PITX3: variants seen among roughly 807,000 people sequenced by gnomAD.
PITX3 encodes the protein paired like homeodomain 3, also known as pituitary homeobox 3.
PITX3 carries 4 observed loss-of-function variants against 14.2 expected under a neutral mutation model. The observed-to-expected ratio is 0.28, with a 90% CI of 0.14 to 0.65. The LOEUF is 0.65. Ranked by LOEUF, PITX3 falls within the 30% of genes least tolerant of loss-of-function variation. The pLI, the probability that PITX3 is intolerant of heterozygous loss-of-function variation, is 0.82. For synonymous variants in PITX3, 194 were observed against 204.5 expected, an observed-to-expected ratio of 0.95 and a Z score of 0.44; for missense variants, 358 against 426.8, an observed-to-expected ratio of 0.84 and a Z score of 1.42.
intron 1 of PITX3, among the ~76,000 whole-genome samples, chr10:102,240,435 T>C (rs1211665021): frequency 1.3e-5 from 2 of 152,242 alleles, no homozygotes; most frequent in African/African-American, 4.8e-5. Context: ...TGCTCACAGC[T>C]TCGCAGCCCG....
rs1173342599 is a variant in PITX3 at position 102,241,072 on chromosome 10, C to G, written c.-13+261G>C. ...TTTCCAGACTCCCTACTCCCTGCCT[C>G]GCGAAGCCCCTATCCTGGTTTCAAG... is the stretch of plus-strand genomic sequence containing the variant. On this transcript the variant is annotated intron_variant, in intron 1 of 3. Coordinates refer to ENST00000370002, the MANE Select transcript of PITX3 (RefSeq NM_005029.4). This position sits in a 1 kb window ranked among gnomAD's most constrained non-coding sequence, Gnocchi z 6.7. Among the ~76,000 whole-genome samples the G allele has an allele frequency of 6.6e-6, 1 of 152,150 alleles. No individual in the cohort carries two copies. Among genetic ancestry groups the G allele is most frequent in the African/African-American group, 2.4e-5 (1 of 41,448 alleles).
Position 102,230,531 on chromosome 10 carries a change from C to T in PITX3, c.892G>A (p.Val298Met), listed in dbSNP as rs561620615. ...AANLSPCQYAVERPV is the reference protein window; with the variant it reads ...AANLSPCQYAMERPV ...GGGGCCGCTCATACGGGCCTTTCCA[C>T]GGCGTACTGGCACGGACTAAGGTTG... The change falls in exon 4 of 4, where the codon GTG becomes ATG. Residue 298 changes from valine (V) to methionine (M), a missense_variant. By Grantham distance (21) the Val-to-Met change is conservative. Transcript: ENST00000370002. 3 of 1,609,450 alleles carry T rather than the reference C, an allele frequency of 1.9e-6. No individual in the cohort carries two copies. The highest frequency in any genetic ancestry group is 2.7e-5 in the African/African-American group (2 of 74,942).
chr10:102,240,592 A>C (rs1270646120), intron 1 of PITX3, among the ~76,000 whole-genome samples: 1 of 152,218 alleles, frequency 6.6e-6, no homozygotes, highest in Non-Finnish European at 1.5e-5. Context: ...CGCCACTGCC[A>C]GACACAACTC....
chr10:102,232,543 GGGGTGGCACGTGCC>G (rs1044741638), intron 1 of PITX3, among the ~76,000 whole-genome samples: 6 of 152,150 alleles, frequency 3.9e-5, no homozygotes, highest in African/African-American at 1.4e-4. Context: ...ATTGCTGGGC[GGGGTGGCACGTGCC>G]TGTAATCTCA....
chr10:102,230,862 G>A lies in PITX3; in HGVS notation c.561C>T (p.Val187=), dbSNP rs1323036225. The change falls in exon 4 of 4, where the codon GTC becomes GTT. Residue 187 remains valine, a synonymous_variant. Coordinates refer to ENST00000370002, the MANE Select transcript of PITX3 (RefSeq NM_005029.4). ...CGGCGATGGAGCTGGGTGGCGAGAA[G>A]ACGGGCTGCGAAGCCAGAGGCCCCA... is the stretch of plus-strand genomic sequence containing the variant. ...VNVGPLASQP[V]FSPPSSIAAS... is the part of the protein sequence containing the mutation. The A allele has an allele frequency of 6.2e-7, 1 of 1,601,502 alleles. No homozygotes were observed. Among genetic ancestry groups the A allele is most frequent in the East Asian group, 2.3e-5 (1 of 44,260 alleles).
chr10:102,234,912 C>T (rs570957384), intron 1 of PITX3, among the ~76,000 whole-genome samples: 6 of 152,204 alleles, frequency 3.9e-5, no homozygotes, highest in East Asian at 1.9e-4. Context: ...GGGATATGGG[C>T]GAGGAAAAGC....
intron 1 of PITX3, among the ~76,000 whole-genome samples, chr10:102,236,858 G>T (rs1212785392): frequency 1.3e-5 from 2 of 152,178 alleles, no homozygotes; most frequent in African/African-American, 4.8e-5. Flanking sequence ...AGCTGGAGTT[G>T]TGATGTTTTC....
At chr10:102,238,110 A>G (rs577010392) in intron 1 of PITX3, among the ~76,000 whole-genome samples, 3 of 152,182 alleles carry the variant, frequency 2.0e-5, no homozygotes, top group South Asian at 4.1e-4. Context: ...TTTGAAAGTT[A>G]TTCCTCTCTG....
At chr10:102,232,625 C>T (rs978930730) in intron 1 of PITX3, among the ~76,000 whole-genome samples, 6 of 152,072 alleles carry the variant, frequency 3.9e-5, no homozygotes, top group African/African-American at 1.2e-4. Context: ...GAGGTTGCAG[C>T]GAGCCGAGAT....
chr10:102,236,580 AAT>A (rs1337495359), intron 1 of PITX3, among the ~76,000 whole-genome samples: 1 of 152,162 alleles, frequency 6.6e-6, no homozygotes, highest in Non-Finnish European at 1.5e-5. Context: ...GCAAGAATGA[AAT>A]ATCCAGGACA....
Position 102,231,619 on chromosome 10 carries a change from A to G in PITX3, c.290T>C (p.Val97Ala). 1 of 1,610,586 alleles carries G rather than the reference A, an allele frequency of 6.2e-7. No homozygotes were observed. The highest frequency in any genetic ancestry group is 8.5e-7 in the Non-Finnish European group (1 of 1,178,504). ...GCGGGCCTCGGTGAGGTTGGTCCAC[A>G]CGGCGATCTCCTCGCGCGTGCTCAT... ...PDMSTREEIA[V>A]WTNLTEARVR... The change falls in exon 3 of 4, where the codon GTG (valine) becomes GCG (alanine). Residue 97 changes from valine (V) to alanine (A), a missense_variant. Physicochemically the swap from Val to Ala is moderately conservative, Grantham distance 64. Coordinates refer to ENST00000370002, the MANE Select transcript of PITX3 (RefSeq NM_005029.4).
At chr10:102,231,186 C>T in intron 3 of PITX3, 85 bp from the exon 4 acceptor site, 1 of 1,294,088 alleles carries the variant, frequency 7.7e-7, no homozygotes, top group Non-Finnish European at 1.0e-6. Context: ...GGCTTCCAGC[C>T]GGGGCCCTGC....
Position 102,231,639 on chromosome 10 carries a change from G to C in PITX3, c.270C>G (p.Ser90Arg). 1 of 1,612,314 alleles carries C rather than the reference G, an allele frequency of 6.2e-7. No homozygotes were observed. The highest frequency in any genetic ancestry group is 8.5e-7 in the Non-Finnish European group (1 of 1,179,246). Reference sequence around the variant, plus strand: ...TCCACACGGCGATCTCCTCGCGCGTGCTCATGTCGGGGTAGCGGTTCCTCT... The same window carrying C: ...TCCACACGGCGATCTCCTCGCGCGTCCTCATGTCGGGGTAGCGGTTCCTCT... The part of the protein sequence containing the change: ...TFQRNRYPDM[S>R]TREEIAVWTN... Residue 90 changes from serine to arginine, a missense_variant, in exon 3 of 4, where the codon AGC becomes AGG. Physicochemically the swap from Ser to Arg is moderately radical, Grantham distance 110. Coordinates refer to ENST00000370002, the MANE Select transcript of PITX3 (RefSeq NM_005029.4).
At chr10:102,240,426 G>A (rs1334083763) in intron 1 of PITX3, among the ~76,000 whole-genome samples, 1 of 152,234 alleles carries the variant, frequency 6.6e-6, no homozygotes. Flanking sequence ...CTCGCTCCCT[G>A]CTCACAGCTT....
At chr10:102,232,298 T>C (rs1215672740) in intron 1 of PITX3, among the ~76,000 whole-genome samples, 1 of 152,190 alleles carries the variant, frequency 6.6e-6, no homozygotes, top group African/African-American at 2.4e-5. Context: ...TCTGCATAGA[T>C]ATATAAACTA....
chr10:102,234,432 G>A (rs1478629385), intron 1 of PITX3, among the ~76,000 whole-genome samples: 1 of 152,170 alleles, frequency 6.6e-6, no homozygotes, highest in African/African-American at 2.4e-5. Flanking sequence ...GAAAAGTCAG[G>A]CCAGAACTGG....
chr10:102,236,108 C>T (rs923590473), intron 1 of PITX3, among the ~76,000 whole-genome samples: 1 of 152,136 alleles, frequency 6.6e-6, no homozygotes, highest in Non-Finnish European at 1.5e-5. Context: ...GACCTCTAGC[C>T]GACTCACGTC....
At chr10:102,240,731 C>A (rs903024749) in intron 1 of PITX3, among the ~76,000 whole-genome samples, 2 of 152,276 alleles carry the variant, frequency 1.3e-5, no homozygotes, top group African/African-American at 2.4e-5. Context: ...CACCCCAAGC[C>A]AGATCCACTA....
At chr10:102,232,139 C>A (rs1590405851) in intron 1 of PITX3, 47 bp from the exon 2 acceptor site, 3 of 1,074,490 alleles carry the variant, frequency 2.8e-6, no homozygotes, top group East Asian at 2.5e-5. Context: ...GGTAAAATCT[C>A]CGGCTTAGCT....
Sources: gnomAD v4.1 joint callset for allele counts (sites outside exome capture counted in the v4.1 genomes callset) on GRCh38, gnomAD v4.1.1 for gene constraint, Gnocchi (gnomAD v3.1) non-coding constraint, MANE v1.5 for transcripts, NCBI Gene and HGNC (gene_info 2026-07-23, HGNC 2026-07-21) for gene names.